The following GABBR2 variants were observed in gnomAD, a reference collection of about 807,000 sequenced individuals.
GABBR2 encodes the protein G-protein coupled receptor 51.
Under a neutral mutation model 105.6 loss-of-function variants are expected in GABBR2, and 23 were observed. The ratio of observed to expected loss-of-function variants is 0.22; its 90% CI spans 0.16 to 0.31. GABBR2 has a LOEUF of 0.31. Ranked by LOEUF, GABBR2 falls within the 10% of genes least tolerant of loss-of-function variation. The probability of loss-of-function intolerance (pLI) is 1.00; values close to 1 mark genes in which losing one functional copy is unlikely to be tolerated. For synonymous variants in GABBR2, 478 were observed against 499.7 expected (o/e 0.96, Z 0.58); for missense variants, 734 against 1,245.5 (o/e 0.59, Z 6.18).
rs1333060717 is a variant in GABBR2, at chr9:98,388,507, T to C, written c.1529+347A>G. Among the ~76,000 whole-genome samples, 1 of 152,160 alleles carries C rather than the reference T, an allele frequency of 6.6e-6. No homozygotes were observed. Among genetic ancestry groups the C allele is most frequent in the East Asian group, 1.9e-4 (1 of 5,180 alleles). On this transcript the variant is annotated intron_variant, in intron 10 of 18. Coordinates refer to ENST00000259455, the MANE Select transcript of GABBR2 (RefSeq NM_005458.8). The surrounding 1 kb of genome is among the most constrained non-coding windows in gnomAD (Gnocchi z 4.4). ...TCTCTCCTCCTGGACCTCCACAAAG[T>C]ACAGGAGTATATCCAAAGCTCTGAG...
intron 7 of GABBR2, among the ~76,000 whole-genome samples, chr9:98,422,648 A>T (rs1308374844): frequency 6.6e-6 from 1 of 152,002 alleles, no homozygotes; most frequent in African/African-American, 2.4e-5. Flanking sequence ...TTTAGGGTAC[A>T]TGTGCACAAT....
chr9:98,645,754 A>G (rs142867188), intron 1 of GABBR2, among the ~76,000 whole-genome samples: 175 of 152,358 alleles, frequency 1.1e-3, no homozygotes, highest in African/African-American at 4.0e-3. Flanking sequence ...ATTGAGCACT[A>G]TTGAACCTTC....
intron 7 of GABBR2, among the ~76,000 whole-genome samples, chr9:98,447,063 C>CTTTTTTTTTTTTTTTTTT (rs369338702): frequency 1.5e-4 from 17 of 116,336 alleles, no homozygotes; most frequent in East Asian, 3.6e-4. Flanking sequence ...AAAAAGACTT[C>CTTTTTTTTTTTTTTTTTT]TTTTTTTTTT....
At chr9:98,708,266 G>A in intron 1 of GABBR2, 151 bp downstream of exon 1, 1 of 733,334 alleles carries the variant, frequency 1.4e-6, no homozygotes, top group East Asian at 3.3e-5. Flanking sequence ...CAGGACCGCG[G>A]GGGTGAACAC....
intron 1 of GABBR2, among the ~76,000 whole-genome samples, chr9:98,605,918 T>A (rs573210672): frequency 3.3e-5 from 5 of 151,944 alleles, no homozygotes; most frequent in Admixed American, 6.6e-5. Flanking sequence ...ATGCTATCCC[T>A]CCCCCGTCCC....
chr9:98,704,142 T>C (rs1017088190), intron 1 of GABBR2, among the ~76,000 whole-genome samples: 4 of 152,232 alleles, frequency 2.6e-5, no homozygotes, highest in Non-Finnish European at 4.4e-5. Context: ...ACAGCTCCAG[T>C]AGGTGCTCAG....
chr9:98,382,567 G>A (rs911161456), intron 11 of GABBR2, among the ~76,000 whole-genome samples: 7 of 152,006 alleles, frequency 4.6e-5, no homozygotes, highest in African/African-American at 1.7e-4. Flanking sequence ...TACCCGCCTC[G>A]GCCTCCCAAA....
intron 1 of GABBR2, among the ~76,000 whole-genome samples, chr9:98,674,312 A>G (rs1169159582): frequency 6.6e-6 from 1 of 152,186 alleles, no homozygotes; most frequent in East Asian, 1.9e-4. Context: ...TGTCATCAAC[A>G]TTACTCTGAA....
rs372812839 is a variant in GABBR2 at position 98,561,189 on chromosome 9, C to G, written c.459+16746G>C. Reference sequence around the variant, plus strand: ...ATATGGACTTTTTAAGAATTCAGGCCAGGTAAATTATAGAATGACCCATAT... The same window carrying G: ...ATATGGACTTTTTAAGAATTCAGGCGAGGTAAATTATAGAATGACCCATAT... On this transcript the variant is annotated intron_variant, in intron 2 of 18. Coordinates refer to ENST00000259455, the MANE Select transcript of GABBR2 (RefSeq NM_005458.8). Among the ~76,000 whole-genome samples, 11 of 151,682 alleles carry G rather than the reference C, an allele frequency of 7.3e-5. No homozygotes were observed. In the East Asian group the frequency reaches 9.7e-4, roughly 13 times the overall value.
At chr9:98,663,657 T>TAAA (rs60374831) in intron 1 of GABBR2, among the ~76,000 whole-genome samples, 12 of 130,210 alleles carry the variant, frequency 9.2e-5, no homozygotes, top group Admixed American at 2.4e-4. Context: ...GCTGCCCCAC[T>TAAA]AAAAAAAAAA....
At chr9:98,518,924 G>A (rs543979826) in intron 3 of GABBR2, among the ~76,000 whole-genome samples, 41 of 152,342 alleles carry the variant, frequency 2.7e-4, no homozygotes, top group African/African-American at 9.4e-4. Context: ...CTGCACCAAA[G>A]TGCTGAGCAG....
At chr9:98,308,046 C>A (rs1830578215) in intron 14 of GABBR2, among the ~76,000 whole-genome samples, 1 of 152,260 alleles carries the variant, frequency 6.6e-6, no homozygotes, top group South Asian at 2.1e-4. Context: ...CCAGCCTGGG[C>A]AAGGTGGTGA....
chr9:98,290,650 G>C lies in GABBR2; in HGVS notation c.2760C>G (p.Ser920Arg). The C allele has an allele frequency of 6.8e-7, 1 of 1,460,150 alleles. No homozygotes were observed. The allele number at this position is 1,460,150 out of a possible 1,614,324, so 90.4% of individuals were successfully genotyped here. A position where few individuals can be genotyped will look rare whatever the true frequency, so the allele number is the denominator to read the frequency against. The stretch of plus-strand genomic sequence containing the variant: ...GTCTGTGGCGGGGGCTGGCGGTGGG[G>C]CTGACGCAGGGGCTGACACAGCTGG... ...VDASCVSPCV[S>R]PTASPRHRHV... is the part of the protein sequence containing the mutation. Residue 920 changes from serine (S) to arginine (R), a missense_variant, in exon 19 of 19, where the codon AGC becomes AGG. Ser to Arg is a moderately radical substitution (Grantham distance 110). Coordinates refer to ENST00000259455, the MANE Select transcript of GABBR2 (RefSeq NM_005458.8).
At chr9:98,352,046 T>C (rs894300382) in intron 13 of GABBR2, among the ~76,000 whole-genome samples, 4 of 152,246 alleles carry the variant, frequency 2.6e-5, no homozygotes, top group Non-Finnish European at 4.4e-5. Flanking sequence ...TGATTCTGAA[T>C]GGGCTTAGTA....
chr9:98,550,556 G>A (rs1394467126), intron 2 of GABBR2, among the ~76,000 whole-genome samples: 1 of 152,102 alleles, frequency 6.6e-6, no homozygotes, highest in African/African-American at 2.4e-5. Context: ...AATGATACAA[G>A]CCCCTCAGTC....
chr9:98,699,157 C>T (rs1410549157), intron 1 of GABBR2, among the ~76,000 whole-genome samples: 1 of 152,124 alleles, frequency 6.6e-6, no homozygotes, highest in Non-Finnish European at 1.5e-5. Flanking sequence ...TTTCCTAAGT[C>T]CTCCGTCCAC....
chr9:98,380,939 G>A (rs1482780279), intron 11 of GABBR2, among the ~76,000 whole-genome samples: 1 of 152,242 alleles, frequency 6.6e-6, no homozygotes, highest in Non-Finnish European at 1.5e-5. Flanking sequence ...GGAGAAAAAA[G>A]CGGCATGTAT....
Position 98,627,285 on chromosome 9 carries a change from T to A in GABBR2, c.322-49213A>T, listed in dbSNP as rs539662448. Among the ~76,000 whole-genome samples the A allele has an allele frequency of 3.9e-5, 6 of 152,244 alleles. No individual in the cohort carries two copies. The South Asian group carries it at 1.2e-3, about 32-fold the overall frequency. On this transcript the variant is annotated intron_variant, in intron 1 of 18. Transcript: ENST00000259455. ...GCAAGCTGTGGCCCTCTCCATCATC[T>A]TCCTCGGAGGCCAAATTCCTCCTGA...
chr9:98,511,325 C>G (rs1827638050), intron 3 of GABBR2, among the ~76,000 whole-genome samples: 1 of 150,576 alleles, frequency 6.6e-6, no homozygotes, highest in African/African-American at 2.4e-5. Flanking sequence ...AATTGACACC[C>G]TAACATCACA....
Sources: gnomAD v4.1 joint callset for allele counts (sites outside exome capture counted in the v4.1 genomes callset) on GRCh38, gnomAD v4.1.1 for gene constraint, Gnocchi (gnomAD v3.1) non-coding constraint, MANE v1.5 for transcripts, NCBI Gene and HGNC (gene_info 2026-07-23, HGNC 2026-07-21) for gene names.